Variants in NCKAP5L observed in about 807,000 individuals in gnomAD.
NCKAP5L encodes nck-associated protein 5-like.
NCKAP5L carries 54 observed loss-of-function variants against 103.2 expected under a neutral mutation model. That is an observed-to-expected ratio of 0.52 (90% confidence interval 0.42 to 0.66). The LOEUF (loss-of-function observed/expected upper bound fraction) is 0.66. Ranked by LOEUF, NCKAP5L falls within the 30% of genes least tolerant of loss-of-function variation. The pLI is 0.00. For synonymous variants in NCKAP5L, 762 were observed against 748.6 expected, an observed-to-expected ratio of 1.02 and a Z score of -0.29; for missense variants, 1,733 against 1,750.6, an observed-to-expected ratio of 0.99 and a Z score of 0.18.
intron 1 of NCKAP5L, among the ~76,000 whole-genome samples, chr12:49,812,800 G>C (rs567129249): frequency 1.3e-5 from 2 of 152,296 alleles, no homozygotes; most frequent in Admixed American, 1.3e-4. Context: ...ATATTGCTAT[G>C]ATCATTTATG....
chr12:49,792,656 A>G lies in NCKAP5L; in HGVS notation c.3649+22T>C, dbSNP rs559844346. 23 of 1,612,982 alleles carry G rather than the reference A, an allele frequency of 1.4e-5. No individual in the cohort carries two copies. In the East Asian group the frequency reaches 4.2e-4, roughly 30 times the overall value. ...GCTCCAGGATGCCCAGGGGCATCCC[A>G]CCCTCCCACCTGGACACTCACCATC... is the stretch of plus-strand genomic sequence containing the variant. On this transcript the variant is annotated intron_variant, in intron 11 of 12. Coordinates refer to ENST00000335999, the MANE Select transcript of NCKAP5L (RefSeq NM_001037806.4). This position sits in a 1 kb window ranked among gnomAD's most constrained non-coding sequence, Gnocchi z 4.5.
At position 49,801,923 on chromosome 12, in the gene NCKAP5L, G is replaced by A; in HGVS notation, c.276C>T (p.Asp92=). The part of the protein sequence containing the change: ...ECIKLKKRVF[D]LERQNQMLSA... ...TCAGCATCTGGTTCTGCCGTTCCAG[G>A]TCAAACACTCTCTTCTTCAGCTTGA... is the stretch of plus-strand genomic sequence containing the variant. The change falls in exon 6 of 13, where the codon GAC becomes GAT. Residue 92 remains aspartate (D), a synonymous_variant. Transcript: ENST00000335999. 1 of 1,613,950 alleles carries A rather than the reference G, an allele frequency of 6.2e-7. No individual in the cohort carries two copies. Among genetic ancestry groups the A allele is most frequent in the Non-Finnish European group, 8.5e-7 (1 of 1,179,874 alleles).
At chr12:49,820,270 C>T (rs899219414) in intron 1 of NCKAP5L, among the ~76,000 whole-genome samples, 6 of 151,546 alleles carry the variant, frequency 4.0e-5, no homozygotes, top group Non-Finnish European at 8.8e-5. Flanking sequence ...GGCAGATACC[C>T]TTCCAGCTCC....
At chr12:49,793,304 G>A (rs1464291733) in intron 10 of NCKAP5L, 48 bp downstream of exon 10, 3 of 1,549,948 alleles carry the variant, frequency 1.9e-6, no homozygotes, top group Admixed American at 3.4e-5. Flanking sequence ...GGAAGAAGTG[G>A]GTAGGGGGGT....
At chr12:49,823,841 G>A (rs1201773051) in intron 1 of NCKAP5L, among the ~76,000 whole-genome samples, 1 of 152,152 alleles carries the variant, frequency 6.6e-6, no homozygotes, top group Non-Finnish European at 1.5e-5. Flanking sequence ...CCAGAGCTGG[G>A]AAAATGGTAA....
In NCKAP5L at chr12:49,795,413, G is replaced by A; in HGVS notation, c.2447C>T (p.Thr816Ile). The change falls in exon 8 of 13, where the codon ACC (threonine) becomes ATC (isoleucine). Residue 816 changes from threonine (T) to isoleucine (I), a missense_variant. By Grantham distance (89) the Thr-to-Ile change is moderately conservative (BLOSUM62 -1). Transcript: ENST00000335999. ...GGTTGGTGACTTGGAAGGGAGCTTG[G>A]TGGGGCTGCTGTGAGGGCTCTTATT... ...KPNKSPHSSPTKLPSKSPTKV... is the reference protein window; with the variant it reads ...KPNKSPHSSPIKLPSKSPTKV... 2.5e-6 allele frequency: 4 copies of A among 1,583,736 alleles called. No individual in the cohort carries two copies. The highest frequency in any genetic ancestry group is 1.4e-5 in the African/African-American group (1 of 73,750).
At chr12:49,805,651 ATG>A (rs1946171170) in intron 2 of NCKAP5L, 2 of 152,084 alleles carry the variant, frequency 1.3e-5, no homozygotes, top group South Asian at 4.2e-4. Flanking sequence ...AGGTGGGAGG[ATG>A]GCTTACGGCT....
chr12:49,822,710 C>A (rs1262913549), intron 1 of NCKAP5L, among the ~76,000 whole-genome samples: 1 of 151,860 alleles, frequency 6.6e-6, no homozygotes, highest in Non-Finnish European at 1.5e-5. Flanking sequence ...CCACACCCAG[C>A]TAATTTTTAT....
chr12:49,798,358 G>A lies in NCKAP5L; in HGVS notation c.457C>T (p.Gln153Ter). 6.4e-7 allele frequency: 1 copy of A among 1,558,920 alleles called. No homozygotes were observed. Among genetic ancestry groups the A allele is most frequent in the Non-Finnish European group, 8.7e-7 (1 of 1,150,662 alleles). The change falls in exon 7 of 13, where the codon CAG (glutamine) becomes TAG (stop). Residue 153 changes from glutamine to a stop codon, truncating the protein, a stop_gained. Transcript: ENST00000335999. LOFTEE classifies it high-confidence loss of function. Reference protein sequence around the residue: ...APLPLGHCAGQREVCWEQQLR... With the variant: ...APLPLGHCAG ...ATACCTAGCCCTCCTACCTCTCTCT[G>A]CCCAGCACAGTGCCCCAGAGGCAGC...
In NCKAP5L at chr12:49,796,234, C is replaced by A; in HGVS notation, c.1626G>T (p.Leu542Phe). Residue 542 changes from leucine (L) to phenylalanine (F), a missense_variant, in exon 8 of 13, where the codon TTG becomes TTT. Transcript: ENST00000335999. Reference sequence around the variant, plus strand: ...CTGGGCCTGGGGACAGCGTGGTGGACAAGGCTGACTGCGGGGGTCTGAGCT... The same window carrying A: ...CTGGGCCTGGGGACAGCGTGGTGGAAAAGGCTGACTGCGGGGGTCTGAGCT... ...STQLRPPQSA[L>F]STTLSPGPVV... is the part of the protein sequence containing the mutation. 6.3e-7 allele frequency: 1 copy of A among 1,579,120 alleles called. No homozygotes were observed. Among genetic ancestry groups the A allele is most frequent in the South Asian group, 1.2e-5 (1 of 84,580 alleles).
chr12:49,827,234 C>T (rs1320046343), intron 1 of NCKAP5L, among the ~76,000 whole-genome samples: 1 of 152,030 alleles, frequency 6.6e-6, no homozygotes, highest in African/African-American at 2.4e-5. Context: ...CGGGCCACTT[C>T]CTCTGGCTGA....
chr12:49,805,214 AG>A (rs1946166970), intron 2 of NCKAP5L: 1 of 152,370 alleles, frequency 6.6e-6, no homozygotes, highest in African/African-American at 2.4e-5. Flanking sequence ...CAACTCCGTG[AG>A]GGCAGGAACA....
intron 3 of NCKAP5L, 46 bp downstream of exon 3, chr12:49,803,876 A>C (rs767421234): frequency 1.3e-6 from 2 of 1,585,506 alleles, no homozygotes; most frequent in Non-Finnish European, 1.7e-6. Flanking sequence ...CTGCCTCCCC[A>C]GGGCTCTGGC....
intron 1 of NCKAP5L, among the ~76,000 whole-genome samples, chr12:49,811,980 C>G (rs551625359): frequency 1.3e-5 from 2 of 152,164 alleles, no homozygotes; most frequent in African/African-American, 4.8e-5. Context: ...TTTTTCAGTC[C>G]TCATTGCCAT....
intron 6 of NCKAP5L, among the ~76,000 whole-genome samples, chr12:49,799,443 A>G (rs1458327652): frequency 6.6e-6 from 1 of 151,508 alleles, no homozygotes; most frequent in Non-Finnish European, 1.5e-5. Context: ...CCGAGTAGCT[A>G]GGACTACAGG....
intron 9 of NCKAP5L, 70 bp from the exon 10 acceptor site, chr12:49,793,503 G>A (rs1056282028): frequency 9.3e-6 from 14 of 1,500,228 alleles, no homozygotes; most frequent in Non-Finnish European, 1.2e-5. Flanking sequence ...GCCTCTAGAG[G>A]GTGGGAATGT....
intron 6 of NCKAP5L, among the ~76,000 whole-genome samples, chr12:49,801,246 C>T (rs1946114882): frequency 6.6e-6 from 1 of 152,208 alleles, no homozygotes; most frequent in African/African-American, 2.4e-5. Flanking sequence ...AAACAACCTG[C>T]TGCTCACCTC....
chr12:49,793,073 C>T lies in NCKAP5L; in HGVS notation c.3341-87G>A, dbSNP rs908207006. The T allele has an allele frequency of 7.1e-6, 8 of 1,122,992 alleles. No homozygotes were observed. In the African/African-American group the frequency reaches 1.3e-4, roughly 18 times the overall value. The allele number at this position is 1,122,992 out of a possible 1,614,324, so 69.6% of individuals were successfully genotyped here. On this transcript the variant is annotated intron_variant, in intron 10 of 12. Coordinates refer to ENST00000335999, the MANE Select transcript of NCKAP5L (RefSeq NM_001037806.4). ...TCCACTTCCCGCCCAGCCCAGGCTC[C>T]ACCCTTACTCAGGGCCCCTCCTGGC...
At chr12:49,821,167 A>G (rs1031443666) in intron 1 of NCKAP5L, among the ~76,000 whole-genome samples, 1 of 152,192 alleles carries the variant, frequency 6.6e-6, no homozygotes, top group Non-Finnish European at 1.5e-5. Context: ...AGGAAGGGAC[A>G]GCAAAGCCAA....
Sources: allele counts gnomAD v4.1 joint callset (sites outside exome capture counted in the v4.1 genomes callset), GRCh38; gene constraint gnomAD v4.1.1; non-coding constraint Gnocchi (gnomAD v3.1); transcripts MANE v1.5; gene names NCBI Gene and HGNC (gene_info 2026-07-23, HGNC 2026-07-21).